STEAP1B: variants seen among roughly 807,000 people sequenced by gnomAD.
The protein encoded by STEAP1B is STEAP family protein MGC87042.
In STEAP1B, 13 loss-of-function variants were observed where a neutral mutation model predicts 27.9. That is an observed-to-expected ratio of 0.47 (90% CI 0.30 to 0.74). STEAP1B has a LOEUF of 0.74. Among genes scored for constraint, STEAP1B ranks in the 30% least tolerant of loss-of-function variants. STEAP1B has a pLI of 0.06. For missense variants in STEAP1B, 250 were observed against 298.7 expected (o/e 0.84, Z 1.20); for synonymous variants, 86 against 107.1 (o/e 0.80, Z 1.22).
At chr7:22,483,143 C>T (rs1455088384) in intron 4 of STEAP1B, among the ~76,000 whole-genome samples, 1 of 152,070 alleles carries the variant, frequency 6.6e-6, no homozygotes, top group Non-Finnish European at 1.5e-5. Context: ...ACGTCACCTT[C>T]TTCCAAGCAG....
intron 4 of STEAP1B, among the ~76,000 whole-genome samples, chr7:22,475,235 A>C (rs1412328112): frequency 2.0e-5 from 3 of 152,178 alleles, no homozygotes; most frequent in Non-Finnish European, 4.4e-5. Flanking sequence ...CCTGCTGGCC[A>C]GTACACTAGC....
At chr7:22,456,972 A>ATATATATATATATATT in intron 4 of STEAP1B, among the ~76,000 whole-genome samples, 3 of 57,042 alleles carry the variant, frequency 5.3e-5, no homozygotes, top group African/African-American at 2.1e-4. Flanking sequence ...ATATATATAT[A>ATATATATATATATATT]TTTTTTTTTT....
intron 4 of STEAP1B, among the ~76,000 whole-genome samples, chr7:22,469,620 C>T (rs952575681): frequency 6.6e-6 from 1 of 152,120 alleles, no homozygotes; most frequent in Non-Finnish European, 1.5e-5. Flanking sequence ...CACTTACCAC[C>T]GTGATACAGC....
intron 4 of STEAP1B, among the ~76,000 whole-genome samples, chr7:22,465,739 G>C (rs1020139338): frequency 2.0e-5 from 3 of 152,160 alleles, no homozygotes; most frequent in Non-Finnish European, 4.4e-5. Flanking sequence ...GCTTGCATAT[G>C]GGGGAGACAG....
chr7:22,473,459 A>G (rs1330103670), intron 4 of STEAP1B, among the ~76,000 whole-genome samples: 3 of 152,232 alleles, frequency 2.0e-5, no homozygotes, highest in East Asian at 3.8e-4. Context: ...GTCAGCTTCC[A>G]ATGCCACTTC....
At chr7:22,441,504 A>C (rs114970651) in intron 4 of STEAP1B, among the ~76,000 whole-genome samples, 5,343 of 152,350 alleles carry the variant, frequency 0.035, 309 homozygotes, top group African/African-American at 0.12. Flanking sequence ...TGTGAGACAA[A>C]GTCGCAAATG....
At chr7:22,437,367 T>C (rs1785268608) in intron 4 of STEAP1B, among the ~76,000 whole-genome samples, 1 of 152,264 alleles carries the variant, frequency 6.6e-6, no homozygotes, top group Non-Finnish European at 1.5e-5. Context: ...TGTCTTTCTG[T>C]GTCTGGCTTA....
In STEAP1B at chr7:22,437,887, T is replaced by A. The variant is rs539410614; in HGVS notation, c.763-18051A>T. On this transcript the variant is annotated intron_variant, in intron 4 of 4. Coordinates refer to ENST00000678116, the MANE Select transcript of STEAP1B (RefSeq NM_001382447.1). ...TATTGAGCATATTTTCATATATCTA[T>A]TGGTCAAGTGTACATCTTTTTGGGA... Among the ~76,000 whole-genome samples, 6 of 152,322 alleles carry A rather than the reference T, an allele frequency of 3.9e-5. No individual in the cohort carries two copies. The South Asian group carries it at 1.2e-3, about 32-fold the overall frequency.
At chr7:22,422,353 A>C (rs151044019) in intron 4 of STEAP1B, among the ~76,000 whole-genome samples, 1 of 152,262 alleles carries the variant, frequency 6.6e-6, no homozygotes, top group Non-Finnish European at 1.5e-5. Context: ...CAAATATTGT[A>C]ACCGCAAAGG....
chr7:22,450,956 A>T (rs1785477758), intron 4 of STEAP1B, among the ~76,000 whole-genome samples: 1 of 152,102 alleles, frequency 6.6e-6, no homozygotes, highest in South Asian at 2.1e-4. Context: ...GCACTTTGGG[A>T]GGCCAAGGTA....
intron 4 of STEAP1B, among the ~76,000 whole-genome samples, chr7:22,440,356 G>A (rs1226883966): frequency 6.6e-6 from 1 of 152,098 alleles, no homozygotes; most frequent in Admixed American, 6.6e-5. Context: ...TTTAACTTGG[G>A]TGAAACATTC....
At chr7:22,430,767 CCAACCTG>C (rs2128399942) in intron 4 of STEAP1B, among the ~76,000 whole-genome samples, 1 of 152,326 alleles carries the variant, frequency 6.6e-6, no homozygotes, top group Non-Finnish European at 1.5e-5. Flanking sequence ...AACTGACTGT[CCAACCTG>C]CCTCAGGCCT....
At chr7:22,466,612 C>A (rs1002343883) in intron 4 of STEAP1B, among the ~76,000 whole-genome samples, 3 of 152,114 alleles carry the variant, frequency 2.0e-5, no homozygotes, top group Admixed American at 1.3e-4. Context: ...TTAAGCCACC[C>A]AGTCTGGCAT....
chr7:22,462,132 A>G (rs917697266), intron 4 of STEAP1B, among the ~76,000 whole-genome samples: 15 of 152,172 alleles, frequency 9.9e-5, no homozygotes, highest in African/African-American at 3.6e-4. Context: ...CTAAAAAAGA[A>G]ATGAGTTTTG....
intron 4 of STEAP1B, among the ~76,000 whole-genome samples, chr7:22,465,836 C>T (rs1454036798): frequency 1.3e-5 from 2 of 152,148 alleles, no homozygotes; most frequent in East Asian, 1.9e-4. Context: ...ACCGCATGGC[C>T]TGTCTAGTGG....
chr7:22,482,625 C>T (rs903109992), intron 4 of STEAP1B, among the ~76,000 whole-genome samples: 9 of 152,168 alleles, frequency 5.9e-5, no homozygotes, highest in African/African-American at 1.7e-4. Context: ...CAATCTGCCC[C>T]CCAGGCACAT....
At chr7:22,491,119 A>G (rs1451190316) in intron 4 of STEAP1B, among the ~76,000 whole-genome samples, 1 of 152,238 alleles carries the variant, frequency 6.6e-6, no homozygotes, top group Non-Finnish European at 1.5e-5. Flanking sequence ...GTAAGTGCAC[A>G]TCGTTTTAGA....
chr7:22,496,564 T>TA (rs1277571030), intron 1 of STEAP1B, among the ~76,000 whole-genome samples: 1 of 152,228 alleles, frequency 6.6e-6, no homozygotes, highest in Non-Finnish European at 1.5e-5. Context: ...TTTTATACGA[T>TA]ATATGTATGT....
intron 4 of STEAP1B, among the ~76,000 whole-genome samples, chr7:22,488,837 C>T (rs1786266909): frequency 6.6e-6 from 1 of 152,150 alleles, no homozygotes; most frequent in Admixed American, 6.5e-5. Flanking sequence ...GCCTTTGAGC[C>T]AGTGCACATG....
Sources: gnomAD v4.1 joint callset for allele counts (sites outside exome capture counted in the v4.1 genomes callset) on GRCh38, gnomAD v4.1.1 for gene constraint, MANE v1.5 for transcripts, NCBI Gene and HGNC (gene_info 2026-07-23, HGNC 2026-07-21) for gene names.